HERPUD2: variants seen among roughly 807,000 people sequenced by gnomAD.
The protein encoded by HERPUD2 is HERPUD family member 2.
A neutral mutation model predicts 49.9 loss-of-function variants in HERPUD2; 13 were observed. The ratio of observed to expected loss-of-function variants is 0.26; its 90% CI spans 0.17 to 0.41. HERPUD2 has a LOEUF of 0.41. Among genes scored for constraint, HERPUD2 ranks in the 10% least tolerant of loss-of-function variants. HERPUD2 has a pLI of 1.00. For missense variants in HERPUD2, 449 were observed against 492.2 expected, an observed-to-expected ratio of 0.91 and a Z score of 0.83; for synonymous variants, 172 against 171.4, an observed-to-expected ratio of 1.00 and a Z score of -0.03.
chr7:35,669,374 T>C (rs749927934), intron 4 of HERPUD2, among the ~76,000 whole-genome samples: 12 of 152,174 alleles, frequency 7.9e-5, no homozygotes, highest in Non-Finnish European at 1.5e-4. Context: ...AGTTTTCAAC[T>C]AGCTCCCACC....
chr7:35,657,810 T>C (rs1414837823), intron 5 of HERPUD2, among the ~76,000 whole-genome samples: 4 of 147,920 alleles, frequency 2.7e-5, no homozygotes, highest in African/African-American at 5.0e-5. Flanking sequence ...TCCCTGCTAC[T>C]AGGGAGGCTG....
intron 5 of HERPUD2, among the ~76,000 whole-genome samples, chr7:35,646,703 G>C (rs1416828065): frequency 6.6e-6 from 1 of 152,164 alleles, no homozygotes; most frequent in Non-Finnish European, 1.5e-5. Context: ...TAATATGCCT[G>C]TCCCCATAGA....
intron 2 of HERPUD2, among the ~76,000 whole-genome samples, chr7:35,684,450 C>A (rs1785986896): frequency 6.6e-6 from 1 of 151,424 alleles, no homozygotes; most frequent in African/African-American, 2.4e-5. Context: ...GCACAATCTG[C>A]AACTGCAAAA....
At chr7:35,684,733 G>A (rs1377908333) in intron 2 of HERPUD2, among the ~76,000 whole-genome samples, 1 of 152,112 alleles carries the variant, frequency 6.6e-6, no homozygotes, top group Non-Finnish European at 1.5e-5. Context: ...GATGGACTTT[G>A]GGACTCAGCG....
chr7:35,663,133 T>C (rs1250529685), intron 5 of HERPUD2, among the ~76,000 whole-genome samples: 1 of 152,236 alleles, frequency 6.6e-6, no homozygotes, highest in African/African-American at 2.4e-5. Context: ...ATGTACCCAG[T>C]AGTCATTCAG....
chr7:35,647,680 A>G (rs1003591525), intron 5 of HERPUD2, among the ~76,000 whole-genome samples: 3 of 152,242 alleles, frequency 2.0e-5, no homozygotes, highest in African/African-American at 7.2e-5. Context: ...GATAGACAAA[A>G]TAGTCACTTC....
chr7:35,659,252 T>A (rs1785356241), intron 5 of HERPUD2, among the ~76,000 whole-genome samples: 1 of 152,210 alleles, frequency 6.6e-6, no homozygotes, highest in Non-Finnish European at 1.5e-5. Context: ...ATGACAACTA[T>A]GAGAATAAGT....
At chr7:35,691,890 G>T (rs969172505) in intron 2 of HERPUD2, among the ~76,000 whole-genome samples, 12 of 151,620 alleles carry the variant, frequency 7.9e-5, no homozygotes, top group Admixed American at 3.3e-4. Flanking sequence ...CACGTGATAA[G>T]AATGTAAACT....
intron 3 of HERPUD2, among the ~76,000 whole-genome samples, chr7:35,671,438 T>C (rs1785642603): frequency 6.6e-6 from 1 of 151,880 alleles, no homozygotes; most frequent in African/African-American, 2.4e-5. Flanking sequence ...GCAAAGGAGG[T>C]TGAAGACACT....
intron 3 of HERPUD2, among the ~76,000 whole-genome samples, chr7:35,671,451 T>C (rs1207462883): frequency 6.6e-6 from 1 of 152,070 alleles, no homozygotes. Flanking sequence ...AAGACACTCC[T>C]AATTTTCAAC....
intron 5 of HERPUD2, among the ~76,000 whole-genome samples, chr7:35,656,999 A>C (rs1366007856): frequency 6.6e-6 from 1 of 152,234 alleles, no homozygotes; most frequent in Non-Finnish European, 1.5e-5. Context: ...CAACAAAAAC[A>C]AAAATAGACA....
At chr7:35,645,409 C>T (rs1274054838) in intron 5 of HERPUD2, among the ~76,000 whole-genome samples, 3 of 151,888 alleles carry the variant, frequency 2.0e-5, no homozygotes, top group Non-Finnish European at 4.4e-5. Flanking sequence ...AGTGAGATCC[C>T]ATCTCTAACA....
intron 3 of HERPUD2, among the ~76,000 whole-genome samples, chr7:35,672,686 G>C (rs1318837384): frequency 6.6e-6 from 1 of 151,916 alleles, no homozygotes; most frequent in Non-Finnish European, 1.5e-5. Flanking sequence ...AAAATAACTA[G>C]CCTTCAAGTT....
In HERPUD2 at chr7:35,673,274, G is replaced by C. The variant is rs771583826; in HGVS notation, c.152C>G (p.Thr51Arg). Residue 51 changes from threonine to arginine, a missense_variant, in exon 3 of 9, where the codon ACG (threonine) becomes AGG (arginine). By Grantham distance (71) the Thr-to-Arg change is moderately conservative (BLOSUM62 -1). Transcript: ENST00000311350. The stretch of plus-strand genomic sequence containing the variant: ...CGAATACACCAATCTCTGATCCTTC[G>C]TCAACTAAGAAATGGGACAAAGAAA... ...LSNVYPSKPL[T>R]KDQRLVYSGR... is the part of the protein sequence containing the mutation. 3 of 1,606,374 alleles carry C rather than the reference G, an allele frequency of 1.9e-6. No homozygotes were observed. Among genetic ancestry groups the C allele is most frequent in the Non-Finnish European group, 1.7e-6 (2 of 1,175,730 alleles).
At chr7:35,671,658 G>A (rs1785647425) in intron 3 of HERPUD2, among the ~76,000 whole-genome samples, 1 of 151,902 alleles carries the variant, frequency 6.6e-6, no homozygotes, top group Admixed American at 6.6e-5. Flanking sequence ...AAAAAGTAAA[G>A]GGGTACATTG....
intron 2 of HERPUD2, among the ~76,000 whole-genome samples, chr7:35,689,383 ATAAAACAAAAATTATTTTGT>A (rs1786134037): frequency 6.6e-6 from 1 of 152,240 alleles, no homozygotes; most frequent in Admixed American, 6.5e-5. Context: ...CAATAGTTTT[ATAAAACAAAAATTATTTTGT>A]TTATGGATTA....
chr7:35,688,205 T>C (rs892967366), intron 2 of HERPUD2, among the ~76,000 whole-genome samples: 4 of 152,168 alleles, frequency 2.6e-5, no homozygotes, highest in African/African-American at 4.8e-5. Flanking sequence ...AAATTTGTAC[T>C]AGAACACATC....
chr7:35,653,738 G>C (rs1221595949), intron 5 of HERPUD2, among the ~76,000 whole-genome samples: 1 of 152,082 alleles, frequency 6.6e-6, no homozygotes, highest in Admixed American at 6.5e-5. Flanking sequence ...AATAACACTA[G>C]AAATCAGTAA....
Position 35,633,447 on chromosome 7 carries a change from A to G in HERPUD2, c.*243T>C. The G allele has an allele frequency of 3.4e-6, 1 of 291,846 alleles. No individual in the cohort carries two copies. The highest frequency in any genetic ancestry group is 6.3e-6 in the Non-Finnish European group (1 of 157,702). 18.1% of individuals were successfully genotyped at this position (291,846 alleles called of 1,614,324 possible). On this transcript the variant is annotated 3_prime_UTR_variant, in exon 9 of 9. Transcript: ENST00000311350. ...ACTACACATAATTGAAATGAGTAACACCTGGAAGACCAATATTGTTACGCT... is the reference window on the plus strand; with the variant it reads ...ACTACACATAATTGAAATGAGTAACGCCTGGAAGACCAATATTGTTACGCT...
Sources: gnomAD v4.1 joint callset for allele counts (sites outside exome capture counted in the v4.1 genomes callset) on GRCh38, gnomAD v4.1.1 for gene constraint, MANE v1.5 for transcripts, NCBI Gene and HGNC (gene_info 2026-07-23, HGNC 2026-07-21) for gene names.